ANKRD30A: variants seen among roughly 807,000 people sequenced by gnomAD.
ANKRD30A encodes ankyrin repeat domain-containing protein 30A.
A neutral mutation model predicts 166.3 loss-of-function variants in ANKRD30A; 170 were observed. That is an observed-to-expected ratio of 1.02 (90% CI 0.90 to 1.16). ANKRD30A has a LOEUF of 1.16. Ranked by LOEUF, ANKRD30A falls within the 50% of genes most tolerant of loss-of-function variation. The pLI, the probability that ANKRD30A is intolerant of heterozygous loss-of-function variation, is 0.00. For missense variants in ANKRD30A, 1,630 were observed against 1,518.0 expected, an observed-to-expected ratio of 1.07 and a Z score of -1.23; for synonymous variants, 564 against 508.9, an observed-to-expected ratio of 1.11 and a Z score of -1.46.
At chr10:37,136,737 A>G in intron 6 of ANKRD30A, 66 bp downstream of exon 6, 1 of 958,060 alleles carries the variant, frequency 1.0e-6, no homozygotes, top group Non-Finnish European at 1.5e-6. Flanking sequence ...TGTTGATCAC[A>G]AAAAGGTAAT....
At chr10:37,179,007 G>C (rs1206744205) in intron 24 of ANKRD30A, among the ~76,000 whole-genome samples, 1 of 128,774 alleles carries the variant, frequency 7.8e-6, no homozygotes, top group East Asian at 2.4e-4. Flanking sequence ...TTACTATGAG[G>C]CGTCAAATAT....
Position 37,193,259 on chromosome 10 carries a change from G to T in ANKRD30A, c.2614+1G>T, listed in dbSNP as rs1840753698. The stretch of plus-strand genomic sequence containing the variant: ...ATGGACATGCAAACTTTCAAAGCAG[G>T]TAAATTTTGTAATTTTAATTTTACT... On this transcript the variant is annotated splice_donor_variant, in intron 27 of 35. Transcript: ENST00000361713. LOFTEE classifies it high-confidence loss of function. The T allele has an allele frequency of 6.2e-7, 1 of 1,605,046 alleles. No homozygotes were observed. Among genetic ancestry groups the T allele is most frequent in the South Asian group, 1.1e-5 (1 of 88,236 alleles).
chr10:37,154,031 T>C (rs17590413), intron 13 of ANKRD30A, among the ~76,000 whole-genome samples: 4 of 152,160 alleles, frequency 2.6e-5, no homozygotes, highest in Non-Finnish European at 4.4e-5. Flanking sequence ...GAAATGATTC[T>C]TTAGGAAAAG....
At chr10:37,243,375 A>T in the ANKRD30A span, among the ~76,000 whole-genome samples, 1 of 149,836 alleles carries the variant, frequency 6.7e-6, no homozygotes, top group African/African-American at 2.5e-5. Context: ...GGATCTCCTG[A>T]CCTCGTGATC....
At chr10:37,160,687 T>C (rs2132589832) in intron 15 of ANKRD30A, among the ~76,000 whole-genome samples, 1 of 152,312 alleles carries the variant, frequency 6.6e-6, no homozygotes, top group South Asian at 2.1e-4. Flanking sequence ...ATTCATTCTG[T>C]GTCTCATGGC....
Position 37,151,014 on chromosome 10 carries a change from G to T in ANKRD30A, c.1646-1046G>T, listed in dbSNP as rs2132556205. Among the ~76,000 whole-genome samples, 3 of 133,188 alleles carry T rather than the reference G, an allele frequency of 2.3e-5. 1 individual carries two copies. The highest frequency in any genetic ancestry group is 5.0e-5 in the Non-Finnish European group (3 of 60,204). The allele number at this position is 133,188 out of a possible 152,430, so 87.4% of individuals were successfully genotyped here. On this transcript the variant is annotated intron_variant, in intron 11 of 35. Transcript: ENST00000361713. Reference sequence around the variant, plus strand: ...TGAACATGGTGACTTACCAAAGTGTGATTTGAGTTTCTTGTACCCTCTGCA... The same window carrying T: ...TGAACATGGTGACTTACCAAAGTGTTATTTGAGTTTCTTGTACCCTCTGCA...
chr10:37,242,975 T>C, the ANKRD30A span, among the ~76,000 whole-genome samples: 5 of 152,240 alleles, frequency 3.3e-5, no homozygotes, highest in Admixed American at 6.5e-5. Flanking sequence ...GTTCTTTGTA[T>C]GCACACATTT....
intron 31 of ANKRD30A, among the ~76,000 whole-genome samples, chr10:37,209,890 G>C (rs900945668): frequency 2.6e-5 from 4 of 152,042 alleles, no homozygotes; most frequent in Non-Finnish European, 5.9e-5. Context: ...TTTGGCAAAA[G>C]AGAGTTGGAT....
At chr10:37,153,031 T>G (rs1325400270) in intron 12 of ANKRD30A, among the ~76,000 whole-genome samples, 6 of 152,188 alleles carry the variant, frequency 3.9e-5, no homozygotes, top group East Asian at 1.9e-4. Context: ...AACATGTTGC[T>G]TATTTTAAGC....
At chr10:37,224,331 G>A (rs530747347) in intron 34 of ANKRD30A, among the ~76,000 whole-genome samples, 1 of 150,258 alleles carries the variant, frequency 6.7e-6, no homozygotes, top group African/African-American at 2.4e-5. Context: ...CTTGATTAAC[G>A]TTTCTTTTAG....
At chr10:37,152,417 A>G (rs1336130586) in intron 12 of ANKRD30A, among the ~76,000 whole-genome samples, 1 of 152,116 alleles carries the variant, frequency 6.6e-6, no homozygotes, top group Non-Finnish European at 1.5e-5. Context: ...TCTAAAAGTG[A>G]AAGAATTACA....
At chr10:37,144,049 T>C (rs1347596097) in intron 7 of ANKRD30A, among the ~76,000 whole-genome samples, 1 of 152,074 alleles carries the variant, frequency 6.6e-6, no homozygotes, top group Non-Finnish European at 1.5e-5. Context: ...TTCTTTGCCG[T>C]TATTTTATTT....
chr10:37,194,851 ATCACAGAGCTTTTAC>A (rs1840942684), intron 27 of ANKRD30A, among the ~76,000 whole-genome samples: 1 of 152,148 alleles, frequency 6.6e-6, no homozygotes, highest in South Asian at 2.1e-4. Context: ...GGCAGCTGAT[ATCACAGAGCTTTTAC>A]TGAAGTGGGA....
chr10:37,167,695 G>T (rs868751169), intron 19 of ANKRD30A, among the ~76,000 whole-genome samples: 9 of 151,930 alleles, frequency 5.9e-5, no homozygotes, highest in Middle Eastern at 3.4e-3. Flanking sequence ...GACTAAGCTA[G>T]AAATTACAAA....
intron 15 of ANKRD30A, among the ~76,000 whole-genome samples, chr10:37,161,959 ATTTATG>A (rs1482771255): frequency 6.6e-6 from 1 of 152,178 alleles, no homozygotes; most frequent in East Asian, 1.9e-4. Context: ...TAAAAAAGTT[ATTTATG>A]TTTAATTCAT....
chr10:37,200,044 A>C (rs1022941721), intron 30 of ANKRD30A, among the ~76,000 whole-genome samples: 2 of 152,074 alleles, frequency 1.3e-5, no homozygotes, highest in African/African-American at 2.4e-5. Context: ...AATTCACTAG[A>C]AATTCACATG....
At chr10:37,198,643 T>A (rs963994420) in intron 29 of ANKRD30A, among the ~76,000 whole-genome samples, 11 of 152,188 alleles carry the variant, frequency 7.2e-5, no homozygotes, top group Admixed American at 1.3e-4. Flanking sequence ...AGGGTTCACT[T>A]CCAAAAATGA....
At chr10:37,183,224 T>C (rs1413802902) in intron 24 of ANKRD30A, among the ~76,000 whole-genome samples, 1 of 148,682 alleles carries the variant, frequency 6.7e-6, no homozygotes, top group Non-Finnish European at 1.5e-5. Context: ...TTACAACTGT[T>C]ACTCATTAAC....
intron 31 of ANKRD30A, among the ~76,000 whole-genome samples, chr10:37,214,563 T>C (rs1392348390): frequency 1.3e-5 from 2 of 149,084 alleles, no homozygotes; most frequent in African/African-American, 4.9e-5. Context: ...TATATATATG[T>C]ATAACTTTTT....
Sources: gnomAD v4.1 joint callset for allele counts (sites outside exome capture counted in the v4.1 genomes callset) on GRCh38, gnomAD v4.1.1 for gene constraint, MANE v1.5 for transcripts, NCBI Gene and HGNC (gene_info 2026-07-23, HGNC 2026-07-21) for gene names.